CNTNAP2: variants seen among roughly 807,000 people sequenced by gnomAD.
CNTNAP2 encodes contactin-associated protein-like 2.
In CNTNAP2, 98 loss-of-function variants were observed where a neutral mutation model predicts 155.2. The ratio of observed to expected loss-of-function variants is 0.63; its 90% confidence interval spans 0.54 to 0.75. The LOEUF (loss-of-function observed/expected upper bound fraction) is 0.75. Among genes scored for constraint, CNTNAP2 ranks in the 30% least tolerant of loss-of-function variants. The pLI is 0.00. For synonymous variants in CNTNAP2, 651 were observed against 631.2 expected (o/e 1.03, Z -0.47); for missense variants, 1,727 against 1,688.1 (o/e 1.02, Z -0.40).
intron 1 of CNTNAP2, among the ~76,000 whole-genome samples, chr7:146,533,853 G>T (rs994222318): frequency 1.3e-5 from 2 of 151,980 alleles, no homozygotes; most frequent in African/African-American, 4.8e-5. Context: ...ACCCAAGATT[G>T]CAAGCTGTAT....
chr7:148,282,746 C>A (rs1396562706), intron 21 of CNTNAP2, among the ~76,000 whole-genome samples: 9 of 152,052 alleles, frequency 5.9e-5, no homozygotes, highest in African/African-American at 2.2e-4. Context: ...ACAAAAGCAA[C>A]CCCCACCAAA....
At chr7:147,749,222 T>C (rs1260296972) in intron 13 of CNTNAP2, among the ~76,000 whole-genome samples, 1 of 152,238 alleles carries the variant, frequency 6.6e-6, no homozygotes, top group African/African-American at 2.4e-5. Context: ...AATTATTCAG[T>C]ATCTATACTG....
chr7:148,304,554 T>C (rs980225088), intron 21 of CNTNAP2, among the ~76,000 whole-genome samples: 3 of 152,230 alleles, frequency 2.0e-5, no homozygotes, highest in Non-Finnish European at 2.9e-5. Context: ...ATAGAGTCTC[T>C]GTTGCAGTTA....
chr7:146,749,211 GTATC>G (rs1356918996), intron 1 of CNTNAP2, among the ~76,000 whole-genome samples: 3 of 152,034 alleles, frequency 2.0e-5, no homozygotes, highest in African/African-American at 2.4e-5. Context: ...ATATGTGTAT[GTATC>G]TATATGTATA....
At chr7:147,989,723 A>T (rs2373288) in intron 15 of CNTNAP2, among the ~76,000 whole-genome samples, 33,548 of 152,218 alleles carry the variant, frequency 0.22, 4,324 homozygotes, top group African/African-American at 0.34. Context: ...GTCCCCAGGG[A>T]CAATGTCCTT....
intron 3 of CNTNAP2, among the ~76,000 whole-genome samples, chr7:146,880,817 A>C (rs1795534671): frequency 6.6e-6 from 1 of 152,110 alleles, no homozygotes; most frequent in Non-Finnish European, 1.5e-5. Context: ...TTATCTTTTA[A>C]TCTGTTGTCT....
Position 148,372,815 on chromosome 7 carries a change from T to C in CNTNAP2, c.3476-10834T>C, listed in dbSNP as rs368087355. Among the ~76,000 whole-genome samples the C allele has an allele frequency of 8.5e-5, 13 of 152,372 alleles. No homozygotes were observed. The East Asian group carries it at 1.7e-3, about 20-fold the overall frequency. On this transcript the variant is annotated intron_variant, in intron 21 of 23. Coordinates refer to ENST00000361727, the MANE Select transcript of CNTNAP2 (RefSeq NM_014141.6). ...AAACTTTTTCACTTTTTCATATTTT[T>C]GTCTAACACTTAGATTAAAACACAA...
At chr7:146,576,380 G>A (rs1315804181) in intron 1 of CNTNAP2, among the ~76,000 whole-genome samples, 19 of 152,152 alleles carry the variant, frequency 1.2e-4, no homozygotes, top group Admixed American at 9.8e-4. Context: ...GGTAGATATG[G>A]ACATTGTACA....
intron 3 of CNTNAP2, among the ~76,000 whole-genome samples, chr7:147,030,470 A>G (rs1324076333): frequency 1.3e-5 from 2 of 152,144 alleles, no homozygotes; most frequent in African/African-American, 4.8e-5. Context: ...CTATGCAACA[A>G]TTGTTTTTGG....
At chr7:146,331,994 CAGTT>C (rs1187975185) in intron 1 of CNTNAP2, among the ~76,000 whole-genome samples, 9 of 151,906 alleles carry the variant, frequency 5.9e-5, no homozygotes, top group Non-Finnish European at 1.2e-4. Flanking sequence ...TTTAAATTCT[CAGTT>C]ATTTATTACC....
At chr7:147,395,861 C>A in intron 10 of CNTNAP2, 81 bp downstream of exon 10, 1 of 1,513,238 alleles carries the variant, frequency 6.6e-7, no homozygotes, top group Non-Finnish European at 9.1e-7. Flanking sequence ...TGAAACATCC[C>A]AAAAGAAAAT....
At chr7:148,143,532 A>G (rs879490609) in intron 16 of CNTNAP2, among the ~76,000 whole-genome samples, 11 of 152,076 alleles carry the variant, frequency 7.2e-5, no homozygotes, top group Non-Finnish European at 1.3e-4. Flanking sequence ...TACAAAAATT[A>G]TCTAGGTGTG....
intron 21 of CNTNAP2, among the ~76,000 whole-genome samples, chr7:148,353,676 C>T (rs577503273): frequency 2.0e-5 from 3 of 152,230 alleles, no homozygotes; most frequent in South Asian, 2.1e-4. Context: ...CACGCACACA[C>T]AAGTATCAGG....
intron 1 of CNTNAP2, among the ~76,000 whole-genome samples, chr7:146,694,979 A>G (rs915348671): frequency 3.3e-5 from 5 of 152,150 alleles, no homozygotes; most frequent in African/African-American, 1.2e-4. Context: ...TGTTCCTGGA[A>G]CTTCTTTGTT....
At chr7:147,981,300 T>C (rs747720812) in intron 15 of CNTNAP2, among the ~76,000 whole-genome samples, 20 of 152,208 alleles carry the variant, frequency 1.3e-4, no homozygotes, top group Admixed American at 3.3e-4. Flanking sequence ...AATGTTTCAT[T>C]TGGGTTTTAT....
At chr7:146,620,681 G>A (rs1388426057) in intron 1 of CNTNAP2, among the ~76,000 whole-genome samples, 2 of 152,102 alleles carry the variant, frequency 1.3e-5, no homozygotes, top group Admixed American at 6.6e-5. Context: ...GAATATGCAG[G>A]AGATATTAGA....
chr7:146,486,632 A>T (rs1299222261), intron 1 of CNTNAP2, among the ~76,000 whole-genome samples: 2 of 152,112 alleles, frequency 1.3e-5, no homozygotes, highest in African/African-American at 4.8e-5. Context: ...AACAGATATC[A>T]TAGAAAATCA....
At chr7:148,070,268 G>C (rs1483419830) in intron 15 of CNTNAP2, among the ~76,000 whole-genome samples, 1 of 152,198 alleles carries the variant, frequency 6.6e-6, no homozygotes, top group Admixed American at 6.5e-5. Context: ...CAAGGACATA[G>C]AATCCTCTGA....
chr7:148,149,631 AACCTCC>A (rs1367873944), intron 17 of CNTNAP2, among the ~76,000 whole-genome samples: 1 of 152,146 alleles, frequency 6.6e-6, no homozygotes, highest in African/African-American at 2.4e-5. Flanking sequence ...GACTCACTGC[AACCTCC>A]ACCTCCTGGG....
Sources: allele counts gnomAD v4.1 joint callset (sites outside exome capture counted in the v4.1 genomes callset), GRCh38; gene constraint gnomAD v4.1.1; transcripts MANE v1.5; gene names NCBI Gene and HGNC (gene_info 2026-07-23, HGNC 2026-07-21).